The following INPP4B variants were observed in gnomAD, a reference collection of about 807,000 sequenced individuals.
INPP4B encodes inositol polyphosphate-4-phosphatase type II B.
INPP4B carries 55 observed loss-of-function variants against 122.5 expected under a neutral mutation model. That is an observed-to-expected ratio of 0.45 (90% CI 0.36 to 0.56). The LOEUF is 0.56. Among genes scored for constraint, INPP4B ranks in the 20% least tolerant of loss-of-function variants. The pLI, the probability that INPP4B is intolerant of heterozygous loss-of-function variation, is 0.00. For missense variants in INPP4B, 1,000 were observed against 1,097.7 expected (o/e 0.91, Z 1.26); for synonymous variants, 403 against 388.7 (o/e 1.04, Z -0.43).
At chr4:142,600,017 T>A (rs1269903917) in intron 2 of INPP4B, among the ~76,000 whole-genome samples, 1 of 152,102 alleles carries the variant, frequency 6.6e-6, no homozygotes, top group Non-Finnish European at 1.5e-5. Context: ...CCTCATGATA[T>A]ATGAGAAACT....
At chr4:142,537,429 T>TATATATAGAGAGAGAGAG (rs1200701380) in intron 2 of INPP4B, among the ~76,000 whole-genome samples, 9 of 25,474 alleles carry the variant, frequency 3.5e-4, no homozygotes, top group Non-Finnish European at 7.3e-4. Flanking sequence ...TATATATATA[T>TATATATAGAGAGAGAGAG]AGAGAGAGAG....
At chr4:142,421,059 A>G (rs182935220) in intron 5 of INPP4B, among the ~76,000 whole-genome samples, 67 of 152,232 alleles carry the variant, frequency 4.4e-4, no homozygotes, top group Non-Finnish European at 8.2e-4. Context: ...TATTTTTCTA[A>G]TGCCTTATAG....
chr4:142,553,810 C>G (rs1209844270), intron 2 of INPP4B, among the ~76,000 whole-genome samples: 1 of 152,176 alleles, frequency 6.6e-6, no homozygotes. Flanking sequence ...TGGAAAAAGA[C>G]CAGGTCAAGA....
At chr4:142,605,027 A>T (rs562833269) in intron 2 of INPP4B, among the ~76,000 whole-genome samples, 27 of 152,256 alleles carry the variant, frequency 1.8e-4, no homozygotes, top group African/African-American at 6.0e-4. Context: ...AGACACATAG[A>T]CAAATGGAAC....
intron 2 of INPP4B, among the ~76,000 whole-genome samples, chr4:142,661,368 G>C (rs1755142738): frequency 6.6e-6 from 1 of 152,180 alleles, no homozygotes; most frequent in South Asian, 2.1e-4. Flanking sequence ...CCGATTGTTT[G>C]TATTCTGCAG....
At chr4:142,720,765 C>CATATATATATAA (rs1560996434) in intron 2 of INPP4B, among the ~76,000 whole-genome samples, 63 of 12,944 alleles carry the variant, frequency 4.9e-3, no homozygotes, top group Middle Eastern at 0.036. Context: ...TATATAATCT[C>CATATATATATAA]TCTCTCTCTC....
chr4:142,126,156 G>A (rs1422483922), intron 18 of INPP4B, among the ~76,000 whole-genome samples: 6 of 152,064 alleles, frequency 3.9e-5, no homozygotes, highest in African/African-American at 1.2e-4. Flanking sequence ...ATTCTTGACC[G>A]TGTGACATTC....
At chr4:142,487,775 T>C (rs971174162) in intron 2 of INPP4B, among the ~76,000 whole-genome samples, 3 of 152,154 alleles carry the variant, frequency 2.0e-5, no homozygotes, top group Non-Finnish European at 2.9e-5. Flanking sequence ...AAATTGGCCT[T>C]GCATCCTATG....
chr4:142,307,278 G>A (rs1487173294), intron 8 of INPP4B, among the ~76,000 whole-genome samples: 3 of 152,044 alleles, frequency 2.0e-5, no homozygotes, highest in Admixed American at 6.6e-5. Flanking sequence ...ATCCCTATAC[G>A]AAAGCACACT....
rs552067195 is a variant in INPP4B at position 142,231,098 on chromosome 4, T to C, written c.836+6766A>G. 5.3e-4 allele frequency among the ~76,000 whole-genome samples: 80 copies of C among 152,348 alleles called. 2 individuals are homozygous for C. In the South Asian group the frequency reaches 0.016, roughly 30 times the overall value. ...TCACAACCCTGAGACTTTGTGTATG[T>C]ACCATCTCAAATTTAATAAAAACAG... On this transcript the variant is annotated intron_variant, in intron 12 of 25. Coordinates refer to ENST00000262992, the MANE Select transcript of INPP4B (RefSeq NM_001101669.3).
intron 2 of INPP4B, among the ~76,000 whole-genome samples, chr4:142,556,665 G>C (rs1729254680): frequency 6.6e-6 from 1 of 151,938 alleles, no homozygotes; most frequent in Non-Finnish European, 1.5e-5. Flanking sequence ...TTGAGAAGAG[G>C]GGGAGGTATG....
chr4:142,131,890 G>T (rs528165054), intron 18 of INPP4B, among the ~76,000 whole-genome samples: 1 of 152,124 alleles, frequency 6.6e-6, no homozygotes, highest in Non-Finnish European at 1.5e-5. Flanking sequence ...GGGAGGTGGA[G>T]GTTGCAGTGA....
intron 2 of INPP4B, among the ~76,000 whole-genome samples, chr4:142,610,491 TA>T (rs1049765821): frequency 4.9e-4 from 74 of 152,318 alleles, no homozygotes; most frequent in African/African-American, 1.7e-3. Context: ...GTATATTTAA[TA>T]AAAATTAAGA....
chr4:142,315,180 T>C (rs577291332), intron 7 of INPP4B, among the ~76,000 whole-genome samples: 2 of 152,282 alleles, frequency 1.3e-5, no homozygotes, highest in East Asian at 1.9e-4. Context: ...CATGATCTGA[T>C]CACAATATAT....
At chr4:142,775,599 T>C (rs1399457320) in intron 1 of INPP4B, among the ~76,000 whole-genome samples, 1 of 145,998 alleles carries the variant, frequency 6.8e-6, no homozygotes, top group East Asian at 2.2e-4. Context: ...GGTTTTGAAC[T>C]CCTGGGCTCA....
intron 11 of INPP4B, among the ~76,000 whole-genome samples, chr4:142,258,975 C>T (rs894234322): frequency 6.6e-6 from 1 of 151,924 alleles, no homozygotes. Flanking sequence ...CAGTGATAGA[C>T]TGGATTAAGA....
At chr4:142,491,048 A>G (rs545161914) in intron 2 of INPP4B, among the ~76,000 whole-genome samples, 26 of 152,124 alleles carry the variant, frequency 1.7e-4, no homozygotes, top group Non-Finnish European at 3.7e-4. Context: ...TATCTCTTCA[A>G]CATACTCATT....
chr4:142,135,069 T>C (rs753010644), intron 18 of INPP4B, among the ~76,000 whole-genome samples: 1 of 152,180 alleles, frequency 6.6e-6, no homozygotes, highest in Non-Finnish European at 1.5e-5. Flanking sequence ...TCTGAGAATA[T>C]TAGTATTTTT....
chr4:142,760,673 A>G (rs1223341748), intron 1 of INPP4B, among the ~76,000 whole-genome samples: 1 of 152,166 alleles, frequency 6.6e-6, no homozygotes, highest in African/African-American at 2.4e-5. Context: ...TAATGATTCT[A>G]CCTATTCTTA....
Sources: gnomAD v4.1 joint callset for allele counts (sites outside exome capture counted in the v4.1 genomes callset) on GRCh38, gnomAD v4.1.1 for gene constraint, MANE v1.5 for transcripts, NCBI Gene and HGNC (gene_info 2026-07-23, HGNC 2026-07-21) for gene names.